Variants in ANGPTL6 observed in about 807,000 individuals in gnomAD.
The protein encoded by ANGPTL6 is angiopoietin-related protein 6.
In ANGPTL6, 45 loss-of-function variants were observed where a neutral mutation model predicts 47.4. That is an observed-to-expected ratio of 0.95 (90% confidence interval 0.75 to 1.22). The LOEUF (loss-of-function observed/expected upper bound fraction) is 1.22. ANGPTL6 is among the 50% of genes most tolerant of loss of function. The pLI is 0.00. For synonymous variants in ANGPTL6, 290 were observed against 295.9 expected, an observed-to-expected ratio of 0.98 and a Z score of 0.20; for missense variants, 698 against 669.4, an observed-to-expected ratio of 1.04 and a Z score of -0.47.
At position 10,100,716 on chromosome 19, in the gene ANGPTL6, C is replaced by A. The variant is rs185064400; in HGVS notation, c.-11+1852G>T. 6.0e-3 allele frequency among the ~76,000 whole-genome samples: 915 copies of A among 152,318 alleles called. 21 individuals carry two copies. Among genetic ancestry groups the A allele is most frequent in the South Asian group, 0.046 (221 of 4,828 alleles). ...CAAACAGACAAAATTCCTGCCCTTGCAGAGCTGACATTCAAGTTGGGAGAA... is the reference window on the plus strand; with the variant it reads ...CAAACAGACAAAATTCCTGCCCTTGAAGAGCTGACATTCAAGTTGGGAGAA... On this transcript the variant is annotated intron_variant, in intron 1 of 5. Coordinates refer to ENST00000253109, the MANE Select transcript of ANGPTL6 (RefSeq NM_031917.3).
At chr19:10,096,632 C>T in intron 1 of ANGPTL6, 59 bp from the exon 2 acceptor site, 2 of 1,291,902 alleles carry the variant, frequency 1.5e-6, no homozygotes, top group Non-Finnish European at 1.0e-6. Flanking sequence ...GAGACCCCTC[C>T]GCTTCCACGC....
chr19:10,098,915 A>G (rs1486767914), intron 1 of ANGPTL6, among the ~76,000 whole-genome samples: 2 of 152,070 alleles, frequency 1.3e-5, no homozygotes, highest in African/African-American at 4.8e-5. Context: ...TCCGTCGGAT[A>G]TTGGAAACCC....
upstream of ANGPTL6, among the ~76,000 whole-genome samples, chr19:10,103,685 G>T (rs2088739697): frequency 6.6e-6 from 1 of 150,582 alleles, no homozygotes; most frequent in African/African-American, 2.4e-5. Context: ...AAATATAAAA[G>T]ACACAGCTGT....
rs962169966 is a variant in ANGPTL6 at position 10,096,259 on chromosome 19, C to G, written c.305G>C (p.Gly102Ala). 3 of 1,188,828 alleles carry G rather than the reference C, an allele frequency of 2.5e-6. No homozygotes were observed. Among genetic ancestry groups the G allele is most frequent in the African/African-American group, 3.2e-5 (2 of 62,340 alleles). The allele number at this position is 1,188,828 out of a possible 1,614,324, so 73.6% of individuals were successfully genotyped here. ...CAACTGGCCCAGGCGCGCGCTCAGG[C>G]CGCGGCTCTCCTTGCGCAGCGCGCG... ...EVRALRKESRGLSARLGQLRA... is the reference protein window; with the variant it reads ...EVRALRKESRALSARLGQLRA... Residue 102 changes from glycine (G) to alanine (A), a missense_variant, in exon 2 of 6, where the codon GGC becomes GCC. Transcript: ENST00000253109.
At chr19:10,105,621 AG>A (rs1415809475), upstream of ANGPTL6, among the ~76,000 whole-genome samples, 1 of 120,510 alleles carries the variant, frequency 8.3e-6, no homozygotes, top group African/African-American at 3.3e-5. Context: ...GACGAGGGGG[AG>A]GGGAGACACA....
upstream of ANGPTL6, among the ~76,000 whole-genome samples, chr19:10,103,356 G>A (rs750618647): frequency 7.9e-5 from 12 of 151,576 alleles, no homozygotes; most frequent in South Asian, 6.2e-4. Flanking sequence ...TTGGGAGGCC[G>A]GGGCAGGTGG....
chr19:10,094,267 C>A (rs1035943788), intron 3 of ANGPTL6, among the ~76,000 whole-genome samples: 3 of 152,224 alleles, frequency 2.0e-5, no homozygotes, highest in South Asian at 4.1e-4. Context: ...CTGCCTCAGC[C>A]TCCCGAGCAG....
In ANGPTL6 at chr19:10,092,795, G is replaced by C. The variant is rs745849563; in HGVS notation, c.1223-16C>G. 2 of 1,580,634 alleles carry C rather than the reference G, an allele frequency of 1.3e-6. No homozygotes were observed. The highest frequency in any genetic ancestry group is 1.7e-6 in the Non-Finnish European group (2 of 1,157,212). On this transcript the variant is annotated splice_polypyrimidine_tract_variant and intron_variant, in intron 5 of 5. Transcript: ENST00000253109. ...GCACAGTTACCTGAGGGGAGAGAGA[G>C]AGTCCATGTCCTCTCACCAGAATAA...
intron 1 of ANGPTL6, among the ~76,000 whole-genome samples, chr19:10,099,852 T>TC: frequency 6.9e-6 from 1 of 144,988 alleles, no homozygotes; most frequent in African/African-American, 2.6e-5. Flanking sequence ...TCTTTCTCTC[T>TC]TTCTCTCTCT....
chr19:10,094,767 T>C lies in ANGPTL6; in HGVS notation c.754A>G (p.Lys252Glu), dbSNP rs2088487173. The C allele has an allele frequency of 6.2e-7, 1 of 1,614,112 alleles. No individual in the cohort carries two copies. The highest frequency in any genetic ancestry group is 8.5e-7 in the Non-Finnish European group (1 of 1,179,998). ...MPAGHPAVPTKPVGPWQDCAE... is the reference protein window; with the variant it reads ...MPAGHPAVPTEPVGPWQDCAE... The stretch of plus-strand genomic sequence containing the variant: ...CCTAATGTCGACTTACCCACAGGCT[T>C]GGTGGGGACCGCAGGGTGACCTGCA... Residue 252 changes from lysine to glutamate, a missense_variant, in exon 3 of 6, where the codon AAG becomes GAG. Lys to Glu is a moderately conservative substitution (Grantham distance 56, BLOSUM62 1). Coordinates refer to ENST00000253109, the MANE Select transcript of ANGPTL6 (RefSeq NM_031917.3).
At position 10,093,360 on chromosome 19, in the gene ANGPTL6, T is replaced by G. The variant is rs1327175033; in HGVS notation, c.1211A>C (p.Asp404Ala). Residue 404 changes from aspartate (D) to alanine (A), a missense_variant, in exon 5 of 6, where the codon GAC becomes GCC. Asp to Ala is a moderately radical substitution (Grantham distance 126). Coordinates refer to ENST00000253109, the MANE Select transcript of ANGPTL6 (RefSeq NM_031917.3). ...GGAGTTCTCCTTACCAGAATAGGAG[T>G]CTCGGTCCCTATCCACGGTGCTGAA... ...KPFSTVDRDR[D>A]SYSGNCALYQ... is the part of the protein sequence containing the mutation. 1.2e-6 allele frequency: 2 copies of G among 1,612,808 alleles called. 1 individual carries two copies. Among genetic ancestry groups the G allele is most frequent in the South Asian group, 2.2e-5 (2 of 91,038 alleles).
rs1368079205 is a variant in ANGPTL6, at chr19:10,092,458, G to A, written c.*131C>T. ...TCCTGGGTCCCATTTTCAGCGCCCA[G>A]GGTCACAGATCCACAGTGGGAAGTT... On this transcript the variant is annotated 3_prime_UTR_variant, in exon 6 of 6. Coordinates refer to ENST00000253109, the MANE Select transcript of ANGPTL6 (RefSeq NM_031917.3). 2 of 1,522,616 alleles carry A rather than the reference G, an allele frequency of 1.3e-6. No individual in the cohort carries two copies. The highest frequency in any genetic ancestry group is 8.8e-7 in the Non-Finnish European group (1 of 1,130,272). 94.3% of individuals were successfully genotyped at this position (1,522,616 alleles called of 1,614,324 possible). A position where few individuals can be genotyped will look rare whatever the true frequency, so the allele number is the denominator to read the frequency against.
Position 10,096,377 on chromosome 19 carries a change from C to A in ANGPTL6, c.187G>T (p.Ala63Ser). Residue 63 changes from alanine (A) to serine (S), a missense_variant, in exon 2 of 6, where the codon GCG becomes TCG. Ala to Ser is a moderately conservative substitution (Grantham distance 99). Coordinates refer to ENST00000253109, the MANE Select transcript of ANGPTL6 (RefSeq NM_031917.3). ...CGGCCGACGCGCATGCGCAGCGCCG[C>A]CAGCTCGCTGGCGTTGGCGGCCTCG... ...TPEAANASEL[A>S]ALRMRVGRHE... 1.5e-6 allele frequency: 2 copies of A among 1,298,186 alleles called. No individual in the cohort carries two copies. The highest frequency in any genetic ancestry group is 1.9e-6 in the Non-Finnish European group (2 of 1,027,716). The allele number at this position is 1,298,186 out of a possible 1,614,324, so 80.4% of individuals were successfully genotyped here. A position where few individuals can be genotyped will look rare whatever the true frequency, so the allele number is the denominator to read the frequency against.
At position 10,102,629 on chromosome 19, in the gene ANGPTL6, G is replaced by C. The variant is rs1325612010; in HGVS notation, c.-72C>G. 2 of 984,658 alleles carry C rather than the reference G, an allele frequency of 2.0e-6. No homozygotes were observed. The highest frequency in any genetic ancestry group is 3.5e-5 in the African/African-American group (2 of 57,184). 61.0% of individuals were successfully genotyped at this position (984,658 alleles called of 1,614,324 possible). A position where few individuals can be genotyped will look rare whatever the true frequency, so the allele number is the denominator to read the frequency against. On this transcript the variant is annotated 5_prime_UTR_variant, in exon 1 of 6. Coordinates refer to ENST00000253109, the MANE Select transcript of ANGPTL6 (RefSeq NM_031917.3). ...CAGAACACACAAGAAGTCCAAGGAA[G>C]AGCCGAGGGTCCAGTGGGGCCTCTG... is the stretch of plus-strand genomic sequence containing the variant.
At chr19:10,095,947 G>A (rs755256934) in intron 2 of ANGPTL6, 35 bp downstream of exon 2, 2 of 1,221,106 alleles carry the variant, frequency 1.6e-6, no homozygotes. Context: ...CCATTTCACA[G>A]ACGATGCTGC....
In ANGPTL6 at chr19:10,094,860, C is replaced by G. The variant is rs2088489618; in HGVS notation, c.661G>C (p.Asp221His). Residue 221 changes from aspartate (D) to histidine (H), a missense_variant, in exon 3 of 6, where the codon GAC (aspartate) becomes CAC (histidine). Coordinates refer to ENST00000253109, the MANE Select transcript of ANGPTL6 (RefSeq NM_031917.3). ...GSTSDTSRML[D>H]PAPEPQRDQT... ...TCTCTCTGGGGCTCTGGGGCTGGGT[C>G]CAGCATCCTACTGGTGTCACTGGTG... The G allele has an allele frequency of 1.2e-6, 2 of 1,614,194 alleles. No individual in the cohort carries two copies. The highest frequency in any genetic ancestry group is 2.2e-5 in the South Asian group (2 of 91,090).
Position 10,093,795 on chromosome 19 carries a change from C to T in ANGPTL6, c.849G>A (p.Val283=). 6.2e-7 allele frequency: 1 copy of T among 1,614,124 alleles called. No individual in the cohort carries two copies. Among genetic ancestry groups the T allele is most frequent in the Non-Finnish European group, 8.5e-7 (1 of 1,180,046 alleles). ...CCAGTTGCTGCTCACACCATACTGA[C>T]ACTACGTGACGGCCCACTCGCAGTT... ...VYELRVGRHV[V]SVWCEQQLEG... is the part of the protein sequence containing the mutation. Residue 283 remains valine (V), a synonymous_variant, in exon 4 of 6, where the codon GTG becomes GTA. Transcript: ENST00000253109.
chr19:10,103,616 TA>T (rs915550273), upstream of ANGPTL6, among the ~76,000 whole-genome samples: 2 of 24,764 alleles, frequency 8.1e-5, no homozygotes, highest in African/African-American at 4.5e-4. Context: ...AATAAATAAA[TA>T]AATAAATAAT....
chr19:10,097,381 CAAAAG>C (rs2088573918), intron 1 of ANGPTL6, among the ~76,000 whole-genome samples: 2 of 126,172 alleles, frequency 1.6e-5, no homozygotes, highest in Non-Finnish European at 3.3e-5. Context: ...GACTCTGTCT[CAAAAG>C]AAAAAAAAAA....
Sources: gnomAD v4.1 joint callset for allele counts (sites outside exome capture counted in the v4.1 genomes callset) on GRCh38, gnomAD v4.1.1 for gene constraint, MANE v1.5 for transcripts, NCBI Gene and HGNC (gene_info 2026-07-23, HGNC 2026-07-21) for gene names.